The following RIMS2 variants were observed in gnomAD, a reference collection of about 807,000 sequenced individuals.
The protein encoded by RIMS2 is regulating synaptic membrane exocytosis 2.
RIMS2 carries 59 observed loss-of-function variants against 174.4 expected under a neutral mutation model. That is an observed-to-expected ratio of 0.34 (90% CI 0.27 to 0.42). The LOEUF is 0.42. RIMS2 is among the 10% of genes least tolerant of loss of function. RIMS2 has a pLI of 1.00. For missense variants in RIMS2, 1,620 were observed against 1,666.3 expected, an observed-to-expected ratio of 0.97 and a Z score of 0.48; for synonymous variants, 606 against 572.5, an observed-to-expected ratio of 1.06 and a Z score of -0.84.
At chr8:103,744,106 C>T (rs1055902309) in intron 2 of RIMS2, among the ~76,000 whole-genome samples, 2 of 152,140 alleles carry the variant, frequency 1.3e-5, no homozygotes, top group Non-Finnish European at 2.9e-5. Context: ...AGTGCAGTGG[C>T]AGGATCTCAG....
Position 103,750,862 on chromosome 8 carries a change from C to A in RIMS2, c.388-15365C>A, listed in dbSNP as rs1041687721. On this transcript the variant is annotated intron_variant, in intron 2 of 23. Coordinates refer to ENST00000504942, the Ensembl canonical transcript of RIMS2. ...CCACTTGTCTTTATAAATTACCCAG[C>A]GATATGCTTTGGCTATGTCCCCAAC... 2.0e-5 allele frequency among the ~76,000 whole-genome samples: 3 copies of A among 152,068 alleles called. No homozygotes were observed. In the South Asian group the frequency reaches 6.2e-4, roughly 32 times the overall value.
chr8:103,580,268 A>G (rs1379891731), intron 1 of RIMS2, among the ~76,000 whole-genome samples: 1 of 151,778 alleles, frequency 6.6e-6, no homozygotes, highest in Non-Finnish European at 1.5e-5. Context: ...ACAACAACCA[A>G]CTCTATGTTT....
At chr8:104,082,055 A>G (rs1222688208) in intron 19 of RIMS2, among the ~76,000 whole-genome samples, 2 of 151,864 alleles carry the variant, frequency 1.3e-5, no homozygotes, top group Admixed American at 6.6e-5. Flanking sequence ...TACCTCGGGT[A>G]TTGCTGAAGC....
chr8:104,070,135 A>T (rs7008904), intron 19 of RIMS2, among the ~76,000 whole-genome samples: 111,976 of 152,104 alleles, frequency 0.74, 41,584 homozygotes, highest in Middle Eastern at 0.77. Flanking sequence ...GGTATACATA[A>T]GTAGCAGGTA....
At chr8:104,013,981 T>A (rs188043823) in intron 18 of RIMS2, among the ~76,000 whole-genome samples, 117 of 152,278 alleles carry the variant, frequency 7.7e-4, no homozygotes, top group Non-Finnish European at 1.4e-3. Context: ...AAAACTAGAT[T>A]TTTTAAGTTT....
intron 19 of RIMS2, among the ~76,000 whole-genome samples, chr8:104,155,264 G>A (rs1397328979): frequency 7.3e-5 from 11 of 151,096 alleles, no homozygotes; most frequent in African/African-American, 2.7e-4. Context: ...CCGCCACCAC[G>A]CCTGGCTAAT....
intron 3 of RIMS2, among the ~76,000 whole-genome samples, chr8:103,778,452 C>T (rs1219249700): frequency 1.3e-5 from 2 of 152,076 alleles, no homozygotes; most frequent in African/African-American, 4.8e-5. Context: ...AATCTACTTT[C>T]TAGAGATCTT....
At chr8:103,849,584 C>T (rs1237137079) in intron 3 of RIMS2, among the ~76,000 whole-genome samples, 2 of 151,866 alleles carry the variant, frequency 1.3e-5, no homozygotes, top group Non-Finnish European at 2.9e-5. Context: ...ACTTTGGTAT[C>T]GCCATATCAG....
intron 1 of RIMS2, among the ~76,000 whole-genome samples, chr8:103,691,091 T>C (rs1163812118): frequency 6.6e-6 from 1 of 152,232 alleles, no homozygotes; most frequent in Non-Finnish European, 1.5e-5. Context: ...GTTTTCTCTT[T>C]CTTTTCTCTT....
chr8:103,809,757 A>G (rs1474187574), intron 3 of RIMS2, among the ~76,000 whole-genome samples: 2 of 152,266 alleles, frequency 1.3e-5, no homozygotes, highest in East Asian at 3.9e-4. Flanking sequence ...ATCAGCACAT[A>G]TTACTGATGA....
intron 1 of RIMS2, among the ~76,000 whole-genome samples, chr8:103,523,371 A>T (rs1305851288): frequency 4.0e-5 from 6 of 149,464 alleles, no homozygotes; most frequent in Non-Finnish European, 7.4e-5. Flanking sequence ...TTGCCCATGG[A>T]CTTAAAGTAA....
rs35946104 is a variant in RIMS2, at chr8:103,759,564, C to CAA, written c.388-6640_388-6639dup. On this transcript the variant is annotated intron_variant, in intron 2 of 23. Coordinates refer to ENST00000504942, the Ensembl canonical transcript of RIMS2. ...TGGGCGACAGAGCGAGACTCCGTCTCAAAAAAAAAAAAAAAAAAAAAAAAG... is the reference window on the plus strand; with the variant it reads ...TGGGCGACAGAGCGAGACTCCGTCTCAAAAAAAAAAAAAAAAAAAAAAAAAAG... 3.5e-3 allele frequency among the ~76,000 whole-genome samples: 246 copies of CAA among 69,592 alleles called. 1 individual carries two copies. The highest frequency in any genetic ancestry group is 7.9e-3 in the Middle Eastern group (1 of 126). 45.7% of individuals were successfully genotyped at this position (69,592 alleles called of 152,430 possible). A position where few individuals can be genotyped will look rare whatever the true frequency, so the allele number is the denominator to read the frequency against.
At chr8:103,949,144 A>AGGG (rs1284391711) in intron 14 of RIMS2, among the ~76,000 whole-genome samples, 2 of 138,520 alleles carry the variant, frequency 1.4e-5, no homozygotes, top group African/African-American at 5.3e-5. Context: ...AAAAAAAAAA[A>AGGG]AAAGGGAAAG....
chr8:104,230,778 G>A lies in RIMS2; in HGVS notation c.3335-14138G>A, dbSNP rs193029464. Among the ~76,000 whole-genome samples, 971 of 152,296 alleles carry A rather than the reference G, an allele frequency of 6.4e-3. 8 individuals are homozygous for A. The highest frequency in any genetic ancestry group is 0.022 in the African/African-American group (929 of 41,566). On this transcript the variant is annotated intron_variant, in intron 19 of 23. Coordinates refer to ENST00000504942, the Ensembl canonical transcript of RIMS2. The stretch of plus-strand genomic sequence containing the variant: ...AATAAAACGAAAGGGAAAAGACAAG[G>A]ACTCAAAGAGCTGGAGAAAGCTTAT...
intron 1 of RIMS2, among the ~76,000 whole-genome samples, chr8:103,522,350 T>A (rs1378917489): frequency 6.6e-6 from 1 of 152,132 alleles, no homozygotes. Flanking sequence ...GAGTGATACT[T>A]TGATTAACAA....
chr8:103,630,191 C>A, intron 1 of RIMS2, among the ~76,000 whole-genome samples: 1 of 151,074 alleles, frequency 6.6e-6, no homozygotes. Flanking sequence ...GAAATGATGC[C>A]TAACATAGGA....
chr8:103,740,681 AT>A (rs2097753435), intron 2 of RIMS2, among the ~76,000 whole-genome samples: 1 of 152,170 alleles, frequency 6.6e-6, no homozygotes. Flanking sequence ...TTTTCATTGT[AT>A]GTTTAAGTGG....
At chr8:104,157,543 A>G (rs900197921) in intron 19 of RIMS2, among the ~76,000 whole-genome samples, 71 of 152,296 alleles carry the variant, frequency 4.7e-4, no homozygotes, top group African/African-American at 1.6e-3. Flanking sequence ...CCATTAAGCA[A>G]TAACTCTTCA....
chr8:103,835,354 GCCTCC>G (rs754057205), intron 3 of RIMS2, among the ~76,000 whole-genome samples: 15 of 151,984 alleles, frequency 9.9e-5, no homozygotes, highest in Admixed American at 2.6e-4. Flanking sequence ...GCCTGACTCA[GCCTCC>G]CAAAGTGCCG....
Sources: gnomAD v4.1 joint callset for allele counts (sites outside exome capture counted in the v4.1 genomes callset) on GRCh38, gnomAD v4.1.1 for gene constraint, MANE v1.5 for transcripts, NCBI Gene and HGNC (gene_info 2026-07-23, HGNC 2026-07-21) for gene names.